The following MPZL1 variants were observed in gnomAD, a reference collection of about 807,000 sequenced individuals.
MPZL1 encodes myelin protein zero like 1.
A neutral mutation model predicts 29.3 loss-of-function variants in MPZL1; 16 were observed. The observed-to-expected ratio is 0.55, with a 90% confidence interval of 0.37 to 0.83. The LOEUF is 0.83. Ranked by LOEUF, MPZL1 falls within the 40% of genes least tolerant of loss-of-function variation. The pLI is 0.00. For missense variants in MPZL1, 279 were observed against 332.9 expected (o/e 0.84, Z 1.26); for synonymous variants, 143 against 132.0 (o/e 1.08, Z -0.57).
intron 2 of MPZL1, among the ~76,000 whole-genome samples, chr1:167,767,471 A>G (rs1661139478): frequency 6.6e-6 from 1 of 151,844 alleles, no homozygotes; most frequent in African/African-American, 2.4e-5. Flanking sequence ...GGTTTACATA[A>G]CTCAAAACTT....
chr1:167,721,982 G>C lies in MPZL1; in HGVS notation c.-170G>C, dbSNP rs1660036347. The C allele has an allele frequency of 5.0e-6, 5 of 1,000,782 alleles. No individual in the cohort carries two copies. In the East Asian group the frequency reaches 1.6e-4, roughly 33 times the overall value. 62.0% of individuals were successfully genotyped at this position (1,000,782 alleles called of 1,614,324 possible). A position where few individuals can be genotyped will look rare whatever the true frequency, so the allele number is the denominator to read the frequency against. ...GCCGGAGTGGGGCTGAGGCTTCGGT[G>C]CAGAGCTGGAGAGCCGCGGCTGGGA... On this transcript the variant is annotated 5_prime_UTR_variant, in exon 1 of 6. Transcript: ENST00000359523.
chr1:167,731,471 C>A (rs368279274), intron 1 of MPZL1, among the ~76,000 whole-genome samples: 4 of 138,688 alleles, frequency 2.9e-5, no homozygotes, highest in African/African-American at 1.1e-4. Context: ...GAGTCTTGCT[C>A]TGTCGCCCAG....
At chr1:167,772,570 G>A in intron 3 of MPZL1, 82 bp downstream of exon 3, 1 of 1,338,686 alleles carries the variant, frequency 7.5e-7, no homozygotes, top group South Asian at 1.4e-5. Flanking sequence ...TGCATTTCAT[G>A]GTGGGTTTGG....
intron 1 of MPZL1, among the ~76,000 whole-genome samples, chr1:167,743,486 G>A (rs6658889): frequency 0.58 from 87,066 of 151,172 alleles, 25,635 homozygotes; most frequent in African/African-American, 0.69. Flanking sequence ...GATTACAGGC[G>A]TGAGCCACCG....
chr1:167,791,123 C>T lies in MPZL1; in HGVS notation c.*3202C>T, dbSNP rs1661704450. The stretch of plus-strand genomic sequence containing the variant: ...AGCCTTCCTGGCCCCCTCAGTTCTG[C>T]TCTAGTTACTCTATTTCTCTCCCTC... On this transcript the variant is annotated 3_prime_UTR_variant, in exon 6 of 6. Coordinates refer to ENST00000359523, the MANE Select transcript of MPZL1 (RefSeq NM_003953.6). The T allele has an allele frequency of 6.6e-6, 1 of 152,242 alleles. No individual in the cohort carries two copies. The allele number at this position is 152,242 out of a possible 1,614,324, so 9.4% of individuals were successfully genotyped here. A position where few individuals can be genotyped will look rare whatever the true frequency, so the allele number is the denominator to read the frequency against.
chr1:167,780,069 T>G (rs1455199256), intron 5 of MPZL1, among the ~76,000 whole-genome samples: 1 of 152,150 alleles, frequency 6.6e-6, no homozygotes, highest in Non-Finnish European at 1.5e-5. Context: ...CTGAGAGAAT[T>G]GGAAGGAAAA....
chr1:167,774,957 G>T (rs747342369), intron 4 of MPZL1: 1 of 152,144 alleles, frequency 6.6e-6, no homozygotes. Context: ...CAGCTATTAT[G>T]ATTTGTCCAT....
At chr1:167,772,014 T>A (rs1323620222) in intron 2 of MPZL1, among the ~76,000 whole-genome samples, 1 of 150,886 alleles carries the variant, frequency 6.6e-6, no homozygotes, top group Non-Finnish European at 1.5e-5. Context: ...TCCCAGGCAG[T>A]CGGCAGCCCG....
chr1:167,764,667 C>G (rs1661074668), intron 1 of MPZL1, among the ~76,000 whole-genome samples: 1 of 151,920 alleles, frequency 6.6e-6, no homozygotes. Flanking sequence ...AACAGATAAG[C>G]ATGAGAACTA....
At chr1:167,757,519 A>G (rs796480051) in intron 1 of MPZL1, among the ~76,000 whole-genome samples, 96 of 152,344 alleles carry the variant, frequency 6.3e-4, no homozygotes, top group African/African-American at 2.1e-3. Context: ...GAAATAAAAC[A>G]TTACCAATAG....
chr1:167,746,464 T>C (rs973916464), intron 1 of MPZL1, among the ~76,000 whole-genome samples: 2 of 152,162 alleles, frequency 1.3e-5, no homozygotes, highest in African/African-American at 4.8e-5. Context: ...GTGGGCAGCA[T>C]TGGCACCAAT....
chr1:167,753,627 T>A (rs563252898), intron 1 of MPZL1, among the ~76,000 whole-genome samples: 54 of 73,318 alleles, frequency 7.4e-4, no homozygotes, highest in African/African-American at 3.8e-3. Flanking sequence ...TAAACTTGAA[T>A]TTCTTTTTTT....
At chr1:167,777,652 G>C (rs1478851148) in intron 5 of MPZL1, among the ~76,000 whole-genome samples, 1 of 152,208 alleles carries the variant, frequency 6.6e-6, no homozygotes, top group Non-Finnish European at 1.5e-5. Flanking sequence ...TCTGATTACA[G>C]AGTTGTATAC....
chr1:167,731,314 T>C (rs1226670968), intron 1 of MPZL1, among the ~76,000 whole-genome samples: 2 of 22,910 alleles, frequency 8.7e-5, no homozygotes, highest in Non-Finnish European at 1.6e-4. Flanking sequence ...CACACACCTG[T>C]TATCCCAGCT....
intron 1 of MPZL1, among the ~76,000 whole-genome samples, chr1:167,737,269 A>G (rs2101753330): frequency 6.6e-6 from 1 of 152,336 alleles, no homozygotes; most frequent in East Asian, 1.9e-4. Context: ...TGGAAATTAC[A>G]AACATCAGAG....
chr1:167,761,465 G>C (rs1660986940), intron 1 of MPZL1, among the ~76,000 whole-genome samples: 1 of 152,142 alleles, frequency 6.6e-6, no homozygotes, highest in African/African-American at 2.4e-5. Flanking sequence ...AGGGAAAGCA[G>C]AATGGGCACA....
intron 1 of MPZL1, among the ~76,000 whole-genome samples, chr1:167,742,948 A>G (rs1309252789): frequency 6.6e-6 from 1 of 151,908 alleles, no homozygotes; most frequent in Non-Finnish European, 1.5e-5. Context: ...GGCTGTAAGT[A>G]TTTGGGTTTA....
chr1:167,776,400 A>G (rs1661369260), intron 5 of MPZL1, among the ~76,000 whole-genome samples: 1 of 152,184 alleles, frequency 6.6e-6, no homozygotes, highest in South Asian at 2.1e-4. Context: ...CACCAATAAC[A>G]TAAATTGTTT....
At chr1:167,723,379 C>T (rs3767444) in intron 1 of MPZL1, among the ~76,000 whole-genome samples, 43,873 of 152,112 alleles carry the variant, frequency 0.29, 6,379 homozygotes, top group Middle Eastern at 0.33. Context: ...AACAGTGATT[C>T]CAGGGGCTGT....
Sources: gnomAD v4.1 joint callset for allele counts (sites outside exome capture counted in the v4.1 genomes callset) on GRCh38, gnomAD v4.1.1 for gene constraint, MANE v1.5 for transcripts, NCBI Gene and HGNC (gene_info 2026-07-23, HGNC 2026-07-21) for gene names.